MAML3: variants seen among roughly 807,000 people sequenced by gnomAD.
MAML3 encodes the protein mastermind like transcriptional coactivator 3.
MAML3 carries 27 observed loss-of-function variants against 101.9 expected under a neutral mutation model. The ratio of observed to expected loss-of-function variants is 0.27; its 90% CI spans 0.20 to 0.37. The LOEUF (loss-of-function observed/expected upper bound fraction) is 0.37, where lower values mean the gene tolerates loss of function less well. Among genes scored for constraint, MAML3 ranks in the 10% least tolerant of loss-of-function variants. The probability of loss-of-function intolerance (pLI) is 1.00; values close to 1 mark genes in which losing one functional copy is unlikely to be tolerated. For synonymous variants in MAML3, 501 were observed against 555.9 expected (o/e 0.90, Z 1.39); for missense variants, 1,316 against 1,444.9 (o/e 0.91, Z 1.45).
At chr4:139,772,403 G>A (rs145413149) in intron 2 of MAML3, among the ~76,000 whole-genome samples, 60 of 149,518 alleles carry the variant, frequency 4.0e-4, no homozygotes, top group African/African-American at 1.2e-3. Context: ...GTGCAGTGGC[G>A]CGATCTCGGC....
intron 2 of MAML3, among the ~76,000 whole-genome samples, chr4:139,748,612 C>T (rs1338155234): frequency 6.6e-6 from 1 of 151,944 alleles, no homozygotes; most frequent in Non-Finnish European, 1.5e-5. Context: ...CGGCTCAGTC[C>T]CCCAAATCAG....
chr4:140,073,715 T>C (rs949312770), intron 1 of MAML3, among the ~76,000 whole-genome samples: 2 of 152,198 alleles, frequency 1.3e-5, no homozygotes, highest in Non-Finnish European at 2.9e-5. Flanking sequence ...ATAATCCATA[T>C]GTTGCTTTTT....
intron 1 of MAML3, among the ~76,000 whole-genome samples, chr4:140,000,664 C>T (rs191256700): frequency 9.9e-5 from 15 of 152,226 alleles, no homozygotes; most frequent in Admixed American, 2.0e-4. Context: ...CGGTGGGGAA[C>T]GGGACAAAGA....
At chr4:139,851,394 G>A (rs1258556077) in intron 2 of MAML3, among the ~76,000 whole-genome samples, 1 of 152,242 alleles carries the variant, frequency 6.6e-6, no homozygotes, top group Non-Finnish European at 1.5e-5. Flanking sequence ...TATTGGCTCT[G>A]CAAATCCACT....
chr4:139,779,990 C>T (rs1730169366), intron 2 of MAML3, among the ~76,000 whole-genome samples: 2 of 152,260 alleles, frequency 1.3e-5, no homozygotes, highest in South Asian at 4.1e-4. Flanking sequence ...TGCTCTGTTC[C>T]CTCGCCCCTA....
At chr4:139,796,189 C>T (rs1409441992) in intron 2 of MAML3, among the ~76,000 whole-genome samples, 1 of 152,152 alleles carries the variant, frequency 6.6e-6, no homozygotes, top group Admixed American at 6.5e-5. Flanking sequence ...GCTTTATAAT[C>T]TCTGGCTTAC....
At chr4:139,804,093 C>T (rs566797635) in intron 2 of MAML3, among the ~76,000 whole-genome samples, 1 of 152,310 alleles carries the variant, frequency 6.6e-6, no homozygotes, top group Admixed American at 6.5e-5. Flanking sequence ...TGTGTCTCCT[C>T]AGCACTTTGG....
intron 1 of MAML3, among the ~76,000 whole-genome samples, chr4:139,972,970 T>C (rs1419502977): frequency 1.3e-5 from 2 of 152,220 alleles, no homozygotes; most frequent in African/African-American, 2.4e-5. Flanking sequence ...CTCTTTCAGA[T>C]GAATATACTA....
intron 1 of MAML3, among the ~76,000 whole-genome samples, chr4:139,909,836 CAAAAAAAAAAA>C (rs11379402): frequency 1.7e-5 from 1 of 58,730 alleles, no homozygotes; most frequent in East Asian, 5.0e-4. Flanking sequence ...GATGCCGTCT[CAAAAAAAAAAA>C]AAAAAAAAAA....
chr4:139,854,170 CTG>C (rs1490689402), intron 2 of MAML3, among the ~76,000 whole-genome samples: 4 of 151,942 alleles, frequency 2.6e-5, no homozygotes, highest in Non-Finnish European at 5.9e-5. Flanking sequence ...ACCTGAAAAA[CTG>C]AGGAATATAG....
At chr4:139,731,435 TAAAAAAA>T (rs70943437) in intron 2 of MAML3, 14 of 38,744 alleles carry the variant, frequency 3.6e-4, no homozygotes, top group South Asian at 2.0e-3. Flanking sequence ...CTGTCTCTAC[TAAAAAAA>T]AAAAAAAAAA....
At chr4:140,109,395 T>C (rs904749122) in intron 1 of MAML3, among the ~76,000 whole-genome samples, 11 of 152,194 alleles carry the variant, frequency 7.2e-5, no homozygotes, top group Admixed American at 7.2e-4. Context: ...AAAGGAGGAC[T>C]GAAACCTCTT....
At chr4:140,079,256 CAT>C (rs1448349954) in intron 1 of MAML3, among the ~76,000 whole-genome samples, 2 of 152,018 alleles carry the variant, frequency 1.3e-5, no homozygotes, top group Non-Finnish European at 2.9e-5. Flanking sequence ...AAGGAGGAAA[CAT>C]GAAGCAAATT....
At chr4:140,070,357 A>C (rs536220118) in intron 1 of MAML3, among the ~76,000 whole-genome samples, 24 of 152,342 alleles carry the variant, frequency 1.6e-4, no homozygotes, top group Middle Eastern at 6.8e-3. Context: ...TGAGGCCTAC[A>C]GACAATCTCA....
chr4:139,975,607 AG>A (rs1271204109), intron 1 of MAML3, among the ~76,000 whole-genome samples: 1 of 152,136 alleles, frequency 6.6e-6, no homozygotes, highest in Non-Finnish European at 1.5e-5. Context: ...CCATGAGGAA[AG>A]GGGGTTTTGT....
At chr4:139,893,750 T>G (rs1364616130) in intron 1 of MAML3, among the ~76,000 whole-genome samples, 2 of 152,148 alleles carry the variant, frequency 1.3e-5, no homozygotes, top group Admixed American at 1.3e-4. Flanking sequence ...AGTTATGAAG[T>G]CTTGCTAACT....
At chr4:140,060,535 G>C (rs941299758) in intron 1 of MAML3, among the ~76,000 whole-genome samples, 5 of 151,854 alleles carry the variant, frequency 3.3e-5, no homozygotes, top group African/African-American at 1.2e-4. Context: ...TTAGATCTTT[G>C]AACAGGGCAT....
intron 1 of MAML3, among the ~76,000 whole-genome samples, chr4:139,922,161 G>A (rs187543367): frequency 2.6e-5 from 4 of 152,060 alleles, no homozygotes; most frequent in East Asian, 3.9e-4. Flanking sequence ...TGTCTCCTGC[G>A]TTTGGAAAGA....
intron 2 of MAML3, among the ~76,000 whole-genome samples, chr4:139,802,115 G>C (rs72730234): frequency 0.06 from 9,075 of 152,176 alleles, 415 homozygotes; most frequent in Non-Finnish European, 0.083. Flanking sequence ...CTAGTGAAGG[G>C]GGAGAGCTCT....
Sources: gnomAD v4.1 joint callset for allele counts (sites outside exome capture counted in the v4.1 genomes callset) on GRCh38, gnomAD v4.1.1 for gene constraint, MANE v1.5 for transcripts, NCBI Gene and HGNC (gene_info 2026-07-23, HGNC 2026-07-21) for gene names.